The following SLC36A1 variants were observed in gnomAD, a reference collection of about 807,000 sequenced individuals.
SLC36A1 encodes solute carrier family 36 member 1, also known as proton-coupled amino acid transporter 1.
A neutral mutation model predicts 47.5 loss-of-function variants in SLC36A1; 30 were observed. The ratio of observed to expected loss-of-function variants is 0.63; its 90% CI spans 0.47 to 0.86. SLC36A1 has a LOEUF of 0.86. Among genes scored for constraint, SLC36A1 ranks in the 40% least tolerant of loss-of-function variants. The pLI, the probability that SLC36A1 is intolerant of heterozygous loss-of-function variation, is 0.00. For missense variants in SLC36A1, 517 were observed against 606.0 expected (o/e 0.85, Z 1.54); for synonymous variants, 255 against 249.7 (o/e 1.02, Z -0.20).
At chr5:151,529,378 T>C in the SLC36A1 span, 1 of 1,613,758 alleles carries the variant, frequency 6.2e-7, no homozygotes, top group Non-Finnish European at 8.5e-7. Flanking sequence ...AGGCTTGCGT[T>C]GACATACAGG....
intron 2 of SLC36A1, among the ~76,000 whole-genome samples, chr5:151,462,204 A>T (rs1354453558): frequency 1.3e-5 from 2 of 152,126 alleles, no homozygotes; most frequent in Non-Finnish European, 2.9e-5. Flanking sequence ...GACTTTTCTG[A>T]TGAGATTAGT....
the SLC36A1 span, among the ~76,000 whole-genome samples, chr5:151,503,597 T>A: frequency 0.17 from 25,591 of 151,610 alleles, 2,419 homozygotes; most frequent in East Asian, 0.27. Flanking sequence ...GGTTGCCTGG[T>A]GAAGTCACAT....
chr5:151,445,565 A>C (rs1339891898), upstream of SLC36A1, among the ~76,000 whole-genome samples: 1 of 152,190 alleles, frequency 6.6e-6, no homozygotes, highest in Non-Finnish European at 1.5e-5. Flanking sequence ...TCTTCTTTGA[A>C]TGTTTGGTAG....
At chr5:151,367,052 A>T in the SLC36A1 span, among the ~76,000 whole-genome samples, 3 of 152,200 alleles carry the variant, frequency 2.0e-5, no homozygotes, top group Non-Finnish European at 2.9e-5. Context: ...GGGAACAGGA[A>T]AAAGGGCAAA....
At chr5:151,538,037 CAGAA>C in the SLC36A1 span, 4 of 1,161,120 alleles carry the variant, frequency 3.4e-6, no homozygotes, top group East Asian at 9.6e-5. Flanking sequence ...GAGGCAGAAG[CAGAA>C]AGAGAGACAC....
the SLC36A1 span, among the ~76,000 whole-genome samples, chr5:151,549,825 G>GA: frequency 4.6e-4 from 70 of 151,102 alleles, no homozygotes; most frequent in African/African-American, 1.6e-3. Context: ...TGTCATGCAG[G>GA]AAAAAAAAAT....
the SLC36A1 span, chr5:151,540,802 A>G: frequency 6.4e-7 from 1 of 1,570,720 alleles, no homozygotes; most frequent in East Asian, 2.3e-5. Context: ...GCCAAGCAAT[A>G]GGAATGAACT....
rs776318482 is a variant in SLC36A1, at chr5:151,474,178, A to AAAAAAAAAAAAAAAAAAGAG, written c.822+408_822+409insAAAAAAAAAAAAAAAAGAGA. Reference sequence around the variant, plus strand: ...CTGTCTCAAAAAAAAAAAAAAAAAAAAGAAATTATCTTCTGTAACTCACTG... The same window carrying AAAAAAAAAAAAAAAAAAGAG: ...CTGTCTCAAAAAAAAAAAAAAAAAAAAAAAAAAAAAAAAAAAAGAGAGAAATTATCTTCTGTAACTCACTG... On this transcript the variant is annotated intron_variant, in intron 8 of 10. Transcript: ENST00000243389. Among the ~76,000 whole-genome samples, 39 of 119,012 alleles carry AAAAAAAAAAAAAAAAAAGAG rather than the reference A, an allele frequency of 3.3e-4. 1 individual carries two copies. Among genetic ancestry groups the AAAAAAAAAAAAAAAAAAGAG allele is most frequent in the African/African-American group, 1.5e-3 (34 of 22,304 alleles). The allele number at this position is 119,012 out of a possible 152,430, so 78.1% of individuals were successfully genotyped here. A position where few individuals can be genotyped will look rare whatever the true frequency, so the allele number is the denominator to read the frequency against.
At chr5:151,476,353 G>C (rs1003326134) in intron 8 of SLC36A1, among the ~76,000 whole-genome samples, 1 of 152,208 alleles carries the variant, frequency 6.6e-6, no homozygotes, top group Admixed American at 6.5e-5. Context: ...AGGAGTCCTG[G>C]GCTCGTGTCC....
chr5:151,529,167 C>A, the SLC36A1 span: 2 of 1,612,644 alleles, frequency 1.2e-6, no homozygotes, highest in African/African-American at 2.7e-5. Context: ...AGCAAGGTGG[C>A]AGATCCTTAC....
At chr5:151,435,753 A>G (rs1759733881), upstream of SLC36A1, among the ~76,000 whole-genome samples, 1 of 151,586 alleles carries the variant, frequency 6.6e-6, no homozygotes, top group Non-Finnish European at 1.5e-5. Context: ...ATCTAAAAGA[A>G]ACTCAGTAAA....
At chr5:151,415,218 T>A in the SLC36A1 span, among the ~76,000 whole-genome samples, 1 of 152,006 alleles carries the variant, frequency 6.6e-6, no homozygotes, top group African/African-American at 2.4e-5. Flanking sequence ...CCATACAGCA[T>A]CTAGACTGAT....
At chr5:151,507,007 G>C in the SLC36A1 span, 1 of 673,430 alleles carries the variant, frequency 1.5e-6, no homozygotes, top group East Asian at 2.7e-5. Context: ...TCCGTGCCCT[G>C]TAATCTTGAA....
chr5:151,505,532 G>T, the SLC36A1 span: 1 of 1,612,782 alleles, frequency 6.2e-7, no homozygotes, highest in Non-Finnish European at 8.5e-7. Flanking sequence ...CCAGTCCTTG[G>T]CCTCCCGCCT....
intron 1 of SLC36A1, among the ~76,000 whole-genome samples, chr5:151,448,200 G>A (rs971804018): frequency 9.9e-5 from 15 of 152,178 alleles, no homozygotes; most frequent in Admixed American, 5.2e-4. Flanking sequence ...GACAGTTGGA[G>A]AAACTGAGCC....
the SLC36A1 span, among the ~76,000 whole-genome samples, chr5:151,420,305 G>A: frequency 6.6e-6 from 1 of 152,200 alleles, no homozygotes; most frequent in Admixed American, 6.5e-5. Flanking sequence ...ATGAATTAAT[G>A]AGTCCCATGC....
the SLC36A1 span, among the ~76,000 whole-genome samples, chr5:151,415,289 C>T: frequency 6.6e-6 from 1 of 152,072 alleles, no homozygotes; most frequent in Non-Finnish European, 1.5e-5. Context: ...CTGGGGCTTC[C>T]CTCTACTCTG....
the SLC36A1 span, among the ~76,000 whole-genome samples, chr5:151,358,088 G>A: frequency 6.6e-6 from 1 of 152,166 alleles, no homozygotes; most frequent in Non-Finnish European, 1.5e-5. Context: ...TGCTCAGTTG[G>A]CTGCCTGTGA....
At chr5:151,358,348 T>C in the SLC36A1 span, among the ~76,000 whole-genome samples, 2 of 152,002 alleles carry the variant, frequency 1.3e-5, no homozygotes, top group African/African-American at 4.8e-5. Context: ...CCTCACTCAC[T>C]GTAGCCTTGA....
Sources: gnomAD v4.1 joint callset for allele counts (sites outside exome capture counted in the v4.1 genomes callset) on GRCh38, gnomAD v4.1.1 for gene constraint, MANE v1.5 for transcripts, NCBI Gene and HGNC (gene_info 2026-07-23, HGNC 2026-07-21) for gene names.